Variants in SLC17A2 observed in about 807,000 individuals in gnomAD.
SLC17A2 encodes the protein solute carrier family 17 member 2, also known as sodium-dependent phosphate transport protein 3.
In SLC17A2, 38 loss-of-function variants were observed where a neutral mutation model predicts 52.1. The ratio of observed to expected loss-of-function variants is 0.73; its 90% CI spans 0.56 to 0.96. The LOEUF (loss-of-function observed/expected upper bound fraction) is 0.96, where lower values mean the gene tolerates loss of function less well. Among genes scored for constraint, SLC17A2 ranks in the 40% least tolerant of loss-of-function variants. SLC17A2 has a pLI of 0.00. For missense variants in SLC17A2, 508 were observed against 583.9 expected (o/e 0.87, Z 1.34); for synonymous variants, 226 against 211.9 (o/e 1.07, Z -0.58).
At position 25,919,699 on chromosome 6, in the gene SLC17A2, CAAAAAAAAA is replaced by C. The variant is rs766352177; in HGVS notation, c.563-1135_563-1127del. ...TGGGCGAAAGAGTGAGACACCGTCT[CAAAAAAAAA>C]AAAAAAAAAAAAAAAAAAAGGTTTA... is the stretch of plus-strand genomic sequence containing the variant. On this transcript the variant is annotated intron_variant, in intron 5 of 11. Coordinates refer to ENST00000377850, the MANE Select transcript of SLC17A2 (RefSeq NM_001286123.3). Among the ~76,000 whole-genome samples, 32 of 31,152 alleles carry C rather than the reference CAAAAAAAAA, an allele frequency of 1.0e-3. 1 individual carries two copies. In the East Asian group the frequency reaches 0.031, roughly 31 times the overall value. 20.4% of individuals were successfully genotyped at this position (31,152 alleles called of 152,430 possible).
At chr6:25,918,448 G>T in intron 6 of SLC17A2, 39 bp downstream of exon 6, 1 of 1,402,584 alleles carries the variant, frequency 7.1e-7, no homozygotes, top group Non-Finnish European at 1.0e-6. Context: ...TGGATGCTCA[G>T]GAAATGGAGG....
chr6:25,925,101 A>G (rs1446992605), intron 2 of SLC17A2, among the ~76,000 whole-genome samples: 1 of 152,038 alleles, frequency 6.6e-6, no homozygotes, highest in Non-Finnish European at 1.5e-5. Flanking sequence ...CTCACAGATA[A>G]GAGTGGTGGT....
At chr6:25,925,932 A>G in intron 1 of SLC17A2, 53 bp from the exon 2 acceptor site, 1 of 934,814 alleles carries the variant, frequency 1.1e-6, no homozygotes, top group Non-Finnish European at 1.8e-6. Flanking sequence ...TCCCCTTGTT[A>G]ATGTTGCCTC....
Position 25,913,185 on chromosome 6 carries a change from G to T in SLC17A2, c.*132C>A, listed in dbSNP as rs150608042. 76 of 936,708 alleles carry T rather than the reference G, an allele frequency of 8.1e-5. No homozygotes were observed. The East Asian group carries it at 1.8e-3, about 22-fold the overall frequency. The allele number at this position is 936,708 out of a possible 1,614,324, so 58.0% of individuals were successfully genotyped here. On this transcript the variant is annotated 3_prime_UTR_variant, in exon 12 of 12. Coordinates refer to ENST00000377850, the MANE Select transcript of SLC17A2 (RefSeq NM_001286123.3). ...TCCCAAGTATCAGTGTCTTATAAAG[G>T]CTCCCCAGGGAAGACTAACACACAG... is the stretch of plus-strand genomic sequence containing the variant.
chr6:25,919,699 CAAAAAAA>C (rs766352177), intron 5 of SLC17A2, among the ~76,000 whole-genome samples: 248 of 31,120 alleles, frequency 8.0e-3, no homozygotes, highest in African/African-American at 9.9e-3. Flanking sequence ...GACACCGTCT[CAAAAAAA>C]AAAAAAAAAA....
At position 25,915,614 on chromosome 6, in the gene SLC17A2, G is replaced by A. The variant is rs754119188; in HGVS notation, c.1096C>T (p.Leu366=). 3.5e-5 allele frequency: 56 copies of A among 1,613,806 alleles called. No individual in the cohort carries two copies. In the Admixed American group the frequency reaches 9.2e-4, roughly 26 times the overall value. ...LLLPSICAVA[L]PFVASSYVIT... ...ACGTAACTGGAGGCCACAAAGGGCA[G>A]GGCCACAGCACATATTGATGGAAGG... is the stretch of plus-strand genomic sequence containing the variant. The change falls in exon 10 of 12, where the codon CTG becomes TTG. Residue 366 remains leucine, a synonymous_variant. Transcript: ENST00000377850.
chr6:25,916,858 G>A lies in SLC17A2; in HGVS notation c.769-12C>T. 2 of 1,614,010 alleles carry A rather than the reference G, an allele frequency of 1.2e-6. No individual in the cohort carries two copies. Among genetic ancestry groups the A allele is most frequent in the South Asian group, 2.2e-5 (2 of 91,058 alleles). ...CCAGGAGAACTGGGCTGAAAAGAAAGATCTAATCAGCATGAGTATTAGAGC... is the reference window on the plus strand; with the variant it reads ...CCAGGAGAACTGGGCTGAAAAGAAAAATCTAATCAGCATGAGTATTAGAGC... On this transcript the variant is annotated splice_polypyrimidine_tract_variant and intron_variant, in intron 7 of 11. Transcript: ENST00000377850.
intron 10 of SLC17A2, 69 bp downstream of exon 10, chr6:25,915,430 C>T (rs564209071): frequency 2.4e-5 from 32 of 1,350,354 alleles, no homozygotes; most frequent in African/African-American, 1.3e-4. Context: ...AAGAGTTTCA[C>T]GGCGACCACT....
At chr6:25,923,579 T>A in intron 3 of SLC17A2, 116 bp downstream of exon 3, 1 of 763,214 alleles carries the variant, frequency 1.3e-6, no homozygotes, top group East Asian at 2.5e-5. Context: ...ATAGTTCCAG[T>A]CAGTTTTAAT....
At chr6:25,914,324 C>G (rs1766217855) in intron 11 of SLC17A2, among the ~76,000 whole-genome samples, 1 of 152,170 alleles carries the variant, frequency 6.6e-6, no homozygotes, top group Non-Finnish European at 1.5e-5. Flanking sequence ...GTTTCATGCT[C>G]ATGTACCTCT....
chr6:25,914,452 G>A, intron 11 of SLC17A2, 128 bp downstream of exon 11: 2 of 651,570 alleles, frequency 3.1e-6, no homozygotes. Context: ...TGACCTACCA[G>A]AGTCTGATTT....
At chr6:25,913,773 G>GTT (rs1554137625) in intron 11 of SLC17A2, among the ~76,000 whole-genome samples, 9 of 67,474 alleles carry the variant, frequency 1.3e-4, no homozygotes, top group African/African-American at 4.4e-4. Flanking sequence ...TGTCTTCTCT[G>GTT]TTTTTTTTTG....
intron 1 of SLC17A2, among the ~76,000 whole-genome samples, chr6:25,928,021 C>G (rs1364938216): frequency 6.6e-6 from 1 of 152,146 alleles, no homozygotes; most frequent in Admixed American, 6.6e-5. Flanking sequence ...ATTACTTACA[C>G]TCCACTTAAA....
chr6:25,925,290 G>A (rs1766718159), intron 2 of SLC17A2, among the ~76,000 whole-genome samples: 1 of 152,094 alleles, frequency 6.6e-6, no homozygotes, highest in Non-Finnish European at 1.5e-5. Flanking sequence ...GAGGCCGGTG[G>A]ATCACGAGGT....
rs948490630 is a variant in SLC17A2, at chr6:25,913,366, T to C, written c.1388A>G (p.Gln463Arg). 5 of 1,614,066 alleles carry C rather than the reference T, an allele frequency of 3.1e-6. No individual in the cohort carries two copies. Among genetic ancestry groups the C allele is most frequent in the Non-Finnish European group, 4.2e-6 (5 of 1,180,022 alleles). The change falls in exon 12 of 12, where the codon CAA becomes CGA. Residue 463 changes from glutamine (Q) to arginine (R), a missense_variant. Gln to Arg is a conservative substitution (Grantham distance 43, BLOSUM62 1). Transcript: ENST00000377850. ...FGLVFYLTFG[Q>R]AELQDWAKER... ...TTTGGCCCAGTCTTGAAGTTCTGCT[T>C]GTCCAAACGTGAGGTAAAAGACCAG...
At chr6:25,917,600 T>C (rs1178581224) in intron 6 of SLC17A2, among the ~76,000 whole-genome samples, 1 of 152,214 alleles carries the variant, frequency 6.6e-6, no homozygotes, top group Non-Finnish European at 1.5e-5. Flanking sequence ...TTTTGTACAA[T>C]ACCTGGTTAA....
chr6:25,925,894 TA>T lies in SLC17A2; in HGVS notation c.-83-16del, dbSNP rs1379868706. 5 of 1,234,200 alleles carry T rather than the reference TA, an allele frequency of 4.1e-6. No homozygotes were observed. Among genetic ancestry groups the T allele is most frequent in the Non-Finnish European group, 6.0e-6 (5 of 833,530 alleles). The allele number at this position is 1,234,200 out of a possible 1,614,324, so 76.5% of individuals were successfully genotyped here. A position where few individuals can be genotyped will look rare whatever the true frequency, so the allele number is the denominator to read the frequency against. ...CAGTCTTTTATCTATGGAGAGAACA[TA>T]ATCCAAAACATAATACACAAATAAT... On this transcript the variant is annotated splice_polypyrimidine_tract_variant and intron_variant, in intron 1 of 11. Coordinates refer to ENST00000377850, the MANE Select transcript of SLC17A2 (RefSeq NM_001286123.3).
At position 25,913,392 on chromosome 6, in the gene SLC17A2, G is replaced by C. The variant is rs1403835345; in HGVS notation, c.1362C>G (p.Gly454=). The C allele has an allele frequency of 1.9e-6, 3 of 1,613,922 alleles. No homozygotes were observed. Among genetic ancestry groups the C allele is most frequent in the South Asian group, 2.2e-5 (2 of 91,086 alleles). Reference sequence around the variant, plus strand: ...GTCCAAACGTGAGGTAAAAGACCAGGCCAAACATGTTGACTGCAGCAGACA... The same window carrying C: ...GTCCAAACGTGAGGTAAAAGACCAGCCCAAACATGTTGACTGCAGCAGACA... The part of the protein sequence containing the change: ...FFLSAAVNMF[G]LVFYLTFGQA... The change falls in exon 12 of 12, where the codon GGC becomes GGG. Residue 454 remains glycine, a synonymous_variant. Transcript: ENST00000377850.
At chr6:25,926,828 A>C (rs1766781210) in intron 1 of SLC17A2, among the ~76,000 whole-genome samples, 1 of 152,174 alleles carries the variant, frequency 6.6e-6, no homozygotes, top group African/African-American at 2.4e-5. Context: ...GCACTTTGGG[A>C]GACTGAGGTG....
Sources: allele counts gnomAD v4.1 joint callset (sites outside exome capture counted in the v4.1 genomes callset), GRCh38; gene constraint gnomAD v4.1.1; transcripts MANE v1.5; gene names NCBI Gene and HGNC (gene_info 2026-07-23, HGNC 2026-07-21).